CCDC7: variants seen among roughly 807,000 people sequenced by gnomAD.
CCDC7 encodes the protein coiled-coil domain-containing protein 7.
Under a neutral mutation model 196.9 loss-of-function variants are expected in CCDC7, and 183 were observed. The ratio of observed to expected loss-of-function variants is 0.93; its 90% CI spans 0.82 to 1.05. The LOEUF (loss-of-function observed/expected upper bound fraction) is 1.05, where lower values mean the gene tolerates loss of function less well. CCDC7 is among the 50% of genes least tolerant of loss of function. CCDC7 has a pLI of 0.00. For synonymous variants in CCDC7, 525 were observed against 484.6 expected, an observed-to-expected ratio of 1.08 and a Z score of -1.10; for missense variants, 1,540 against 1,482.2, an observed-to-expected ratio of 1.04 and a Z score of -0.64.
chr10:32,540,654 A>T (rs1031783020), intron 11 of CCDC7, among the ~76,000 whole-genome samples: 19 of 151,914 alleles, frequency 1.3e-4, no homozygotes, highest in Admixed American at 6.6e-5. Flanking sequence ...GTGGCTGGAA[A>T]TTTTTTTCTT....
At chr10:32,595,086 C>G (rs1270969950) in intron 18 of CCDC7, among the ~76,000 whole-genome samples, 1 of 152,152 alleles carries the variant, frequency 6.6e-6, no homozygotes, top group Non-Finnish European at 1.5e-5. Context: ...GGAGGATTCC[C>G]TCTTTTTCTA....
intron 3 of CCDC7, among the ~76,000 whole-genome samples, chr10:32,461,116 T>A (rs1487176378): frequency 6.6e-6 from 1 of 152,190 alleles, no homozygotes; most frequent in Non-Finnish European, 1.5e-5. Flanking sequence ...CACTTTAACA[T>A]TAGATATTTA....
chr10:32,811,506 A>G (rs1288546201), intron 30 of CCDC7, among the ~76,000 whole-genome samples: 1 of 152,088 alleles, frequency 6.6e-6, no homozygotes, highest in Non-Finnish European at 1.5e-5. Flanking sequence ...TAAAAAGAAT[A>G]AGTTATAAAG....
intron 21 of CCDC7, among the ~76,000 whole-genome samples, chr10:32,669,882 GT>G (rs2073706283): frequency 6.6e-6 from 1 of 152,088 alleles, no homozygotes; most frequent in South Asian, 2.1e-4. Context: ...ACAGTAGAAT[GT>G]TTGTATTGTT....
At chr10:32,780,612 AC>A (rs1429743905) in intron 29 of CCDC7, among the ~76,000 whole-genome samples, 2 of 152,178 alleles carry the variant, frequency 1.3e-5, no homozygotes, top group Non-Finnish European at 2.9e-5. Context: ...CTTGGTAATC[AC>A]AAAGAAAATA....
chr10:32,732,401 A>G (rs988883523), intron 28 of CCDC7, among the ~76,000 whole-genome samples: 10 of 152,186 alleles, frequency 6.6e-5, no homozygotes, highest in African/African-American at 2.4e-4. Context: ...GAAAACATGT[A>G]TGTGCGTATA....
At chr10:32,553,192 C>G (rs2053775503) in intron 13 of CCDC7, among the ~76,000 whole-genome samples, 1 of 144,978 alleles carries the variant, frequency 6.9e-6, no homozygotes, top group Non-Finnish European at 1.5e-5. Context: ...TTTCTTTCTT[C>G]TACTTGTTCA....
At chr10:32,779,271 C>G (rs1246814656) in intron 29 of CCDC7, among the ~76,000 whole-genome samples, 187 bp downstream of exon 30, 1 of 152,202 alleles carries the variant, frequency 6.6e-6, no homozygotes, top group African/African-American at 2.4e-5. Flanking sequence ...TTTACTCCAT[C>G]AGACAACATT....
chr10:32,556,608 G>GTGTA (rs2054392642), intron 13 of CCDC7, among the ~76,000 whole-genome samples: 3 of 152,060 alleles, frequency 2.0e-5, no homozygotes, highest in Admixed American at 6.6e-5. Context: ...TGGCTTCTAT[G>GTGTA]TGTATGTTTG....
intron 40 of CCDC7, among the ~76,000 whole-genome samples, 170 bp from the exon 42 acceptor site, chr10:32,854,230 A>C (rs1443685936): frequency 6.6e-6 from 1 of 152,218 alleles, no homozygotes; most frequent in Admixed American, 6.5e-5. Context: ...CCAGGCAAGA[A>C]AAAAATCAGA....
chr10:32,669,143 T>C (rs747316669), intron 21 of CCDC7, among the ~76,000 whole-genome samples: 16 of 152,156 alleles, frequency 1.1e-4, no homozygotes, highest in South Asian at 2.1e-4. Context: ...TTTTTCTGCA[T>C]CTATTGAGAT....
At chr10:32,538,403 T>G (rs2050860083) in intron 11 of CCDC7, among the ~76,000 whole-genome samples, 2 of 152,176 alleles carry the variant, frequency 1.3e-5, no homozygotes, top group Admixed American at 1.3e-4. Flanking sequence ...CTATGGAGTT[T>G]TCTAGATATA....
At chr10:32,829,561 G>A (rs2091876622) in intron 32 of CCDC7, among the ~76,000 whole-genome samples, 1 of 152,122 alleles carries the variant, frequency 6.6e-6, no homozygotes, top group Admixed American at 6.5e-5. Flanking sequence ...ACAGTATTTG[G>A]GTTGGGGATT....
intron 13 of CCDC7, among the ~76,000 whole-genome samples, chr10:32,564,092 C>T (rs1246566102): frequency 1.3e-4 from 20 of 152,040 alleles, no homozygotes; most frequent in Admixed American, 1.3e-3. Context: ...AAATCAAAAC[C>T]ACAATGAGAT....
chr10:32,500,907 G>C (rs573189403), intron 9 of CCDC7, among the ~76,000 whole-genome samples: 2 of 152,276 alleles, frequency 1.3e-5, no homozygotes, highest in Non-Finnish European at 2.9e-5. Context: ...CCAGTCAGGC[G>C]TGGCGGCGCG....
At chr10:32,765,161 T>A (rs2078076205) in intron 28 of CCDC7, among the ~76,000 whole-genome samples, 1 of 152,012 alleles carries the variant, frequency 6.6e-6, no homozygotes, top group South Asian at 2.1e-4. Flanking sequence ...AGGAAGGACC[T>A]AGTATACTGC....
At chr10:32,518,337 C>A in intron 10 of CCDC7, 79 bp from the exon 12 acceptor site, 1 of 1,385,846 alleles carries the variant, frequency 7.2e-7, no homozygotes, top group South Asian at 1.6e-5. Flanking sequence ...ACTTTCTTAC[C>A]TTAATAATTA....
chr10:32,829,858 AATCAG>A (rs2091909016), intron 32 of CCDC7, among the ~76,000 whole-genome samples: 1 of 151,804 alleles, frequency 6.6e-6, no homozygotes, highest in African/African-American at 2.4e-5. Context: ...GGCACCATCT[AATCAG>A]CTGCCAGTGT....
At chr10:32,646,788 A>G (rs1158265980) in intron 20 of CCDC7, among the ~76,000 whole-genome samples, 1 of 152,128 alleles carries the variant, frequency 6.6e-6, no homozygotes, top group Non-Finnish European at 1.5e-5. Flanking sequence ...TTATATCCAC[A>G]TGTGGTCAAT....
Sources: gnomAD v4.1 joint callset for allele counts (sites outside exome capture counted in the v4.1 genomes callset) on GRCh38, gnomAD v4.1.1 for gene constraint, MANE v1.5 for transcripts, NCBI Gene and HGNC (gene_info 2026-07-23, HGNC 2026-07-21) for gene names.